KNL1: variants seen among roughly 807,000 people sequenced by gnomAD.
KNL1 encodes the protein outer kinetochore KNL1 complex subunit KNL1.
A neutral mutation model predicts 201.3 loss-of-function variants in KNL1; 66 were observed. The observed-to-expected ratio is 0.33, with a 90% CI of 0.27 to 0.40. KNL1 has a LOEUF of 0.40. Among genes scored for constraint, KNL1 ranks in the 10% least tolerant of loss-of-function variants. KNL1 has a pLI of 1.00. For missense variants in KNL1, 2,815 were observed against 2,690.5 expected (o/e 1.05, Z -1.02); for synonymous variants, 895 against 899.2 (o/e 1.00, Z 0.08).
In KNL1 at chr15:40,621,173, A is replaced by G; in HGVS notation, c.909A>G (p.Ser303=). ...TTCCCACATCCAGTGAGACCAACTC[A>G]CGGGAATCTAAAGGTAATGATATTA... The part of the protein sequence containing the change: ...TLIPTSSETN[S]RESKGNDITI... Residue 303 remains serine, a synonymous_variant, in exon 10 of 26, where the codon TCA becomes TCG. Transcript: ENST00000399668. 1.9e-6 allele frequency: 3 copies of G among 1,613,224 alleles called. No individual in the cohort carries two copies. The highest frequency in any genetic ancestry group is 2.5e-6 in the Non-Finnish European group (3 of 1,179,482).
Position 40,657,427 on chromosome 15 carries a change from T to C in KNL1, c.6667T>C (p.Trp2223Arg). The change falls in exon 24 of 26, where the codon TGG (tryptophan) becomes CGG (arginine). Residue 2223 changes from tryptophan (W) to arginine (R), a missense_variant. Physicochemically the swap from Trp to Arg is moderately radical, Grantham distance 101. Around this residue, in one of 3 missense-constraint regions of KNL1, gnomAD observed 334 missense variants for 362.6 expected, o/e 0.92. Transcript: ENST00000399668. The part of the protein sequence containing the change: ...LGEEIEYLKR[W>R]GPNYNLMNID... Reference sequence around the variant, plus strand: ...AGAGGAGATTGAGTATTTAAAGAGATGGGGACCAAATTATAACCTAATGAA... The same window carrying C: ...AGAGGAGATTGAGTATTTAAAGAGACGGGGACCAAATTATAACCTAATGAA... The C allele has an allele frequency of 1.3e-6, 2 of 1,595,972 alleles. No homozygotes were observed. Among genetic ancestry groups the C allele is most frequent in the Non-Finnish European group, 1.7e-6 (2 of 1,163,514 alleles).
intron 8 of KNL1, among the ~76,000 whole-genome samples, chr15:40,618,201 C>T (rs1892406249): frequency 6.6e-6 from 1 of 151,786 alleles, no homozygotes; most frequent in Non-Finnish European, 1.5e-5. Flanking sequence ...TGAGTCTAAT[C>T]CTTTATTTCC....
Position 40,608,921 on chromosome 15 carries a change from C to G in KNL1, c.197+13C>G, listed in dbSNP as rs375185368. 2 of 1,580,948 alleles carry G rather than the reference C, an allele frequency of 1.3e-6. No individual in the cohort carries two copies. Among genetic ancestry groups the G allele is most frequent in the African/African-American group, 1.3e-5 (1 of 74,102 alleles). On this transcript the variant is annotated intron_variant, in intron 5 of 25. Coordinates refer to ENST00000399668, the MANE Select transcript of KNL1 (RefSeq NM_144508.5). ...CAGATACTATAAAGTAAGTTGAAAG[C>G]AGAAATAACTAAAATATTATAGGTA...
At chr15:40,602,817 G>A (rs1891851501) in intron 1 of KNL1, 98 bp from the exon 2 acceptor site, 2 of 656,760 alleles carry the variant, frequency 3.0e-6, no homozygotes, top group African/African-American at 3.7e-5. Flanking sequence ...CCCTCAGAAA[G>A]TAACCCTGAA....
chr15:40,618,033 A>T (rs868407622), intron 8 of KNL1, among the ~76,000 whole-genome samples: 12 of 136,020 alleles, frequency 8.8e-5, no homozygotes, highest in Admixed American at 4.8e-4. Context: ...TTATTTCATT[A>T]TATGTACTCA....
At chr15:40,633,417 G>A (rs1892971466) in intron 13 of KNL1, among the ~76,000 whole-genome samples, 1 of 151,884 alleles carries the variant, frequency 6.6e-6, no homozygotes, top group African/African-American at 2.4e-5. Flanking sequence ...TGATGCTAAT[G>A]TAAACAAACC....
chr15:40,628,249 T>C (rs1174968038), intron 11 of KNL1, 41 bp downstream of exon 11: 4 of 1,538,238 alleles, frequency 2.6e-6, no homozygotes, highest in Admixed American at 2.3e-5. Flanking sequence ...AGCCATCTGC[T>C]TACTTAACTA....
chr15:40,632,213 C>G (rs541576107), intron 13 of KNL1, among the ~76,000 whole-genome samples: 1 of 134,362 alleles, frequency 7.4e-6, no homozygotes, highest in Non-Finnish European at 1.6e-5. Flanking sequence ...TAGCGAGACC[C>G]CCCCCCACCC....
intron 8 of KNL1, 117 bp downstream of exon 8, chr15:40,615,495 C>T (rs1892309660): frequency 6.1e-6 from 1 of 162,690 alleles, no homozygotes; most frequent in Admixed American, 3.4e-4. Context: ...AGAGGCCAGG[C>T]ACGGTGCTCA....
At chr15:40,643,978 T>G (rs923267188) in intron 14 of KNL1, among the ~76,000 whole-genome samples, 1 of 152,178 alleles carries the variant, frequency 6.6e-6, no homozygotes, top group South Asian at 2.1e-4. Context: ...CCCTCCACAC[T>G]TGTGGGTATT....
chr15:40,620,604 T>G, intron 9 of KNL1, 36 bp from the exon 10 acceptor site: 1 of 1,400,206 alleles, frequency 7.1e-7, no homozygotes, highest in Non-Finnish European at 9.6e-7. Context: ...AAAGTTTGCT[T>G]TTGTTCTGAT....
chr15:40,652,151 C>T (rs750349172), intron 21 of KNL1, 46 bp downstream of exon 21: 1 of 1,198,052 alleles, frequency 8.3e-7, no homozygotes, highest in Non-Finnish European at 1.2e-6. Context: ...AAATGAATGG[C>T]TACACTCACT....
At chr15:40,649,453 C>G (rs996101267) in intron 17 of KNL1, among the ~76,000 whole-genome samples, 3 of 151,758 alleles carry the variant, frequency 2.0e-5, no homozygotes, top group African/African-American at 7.3e-5. Context: ...GCACCACCAC[C>G]CCCAGCTAAT....
In KNL1 at chr15:40,623,074, G is replaced by C. The variant is rs776613603; in HGVS notation, c.2810G>C (p.Arg937Thr). The C allele has an allele frequency of 1.9e-6, 3 of 1,613,746 alleles. No individual in the cohort carries two copies. The highest frequency in any genetic ancestry group is 2.5e-6 in the Non-Finnish European group (3 of 1,179,896). ...KTVSPDEITT[R>T]PMDKTVVFVD... is the part of the protein sequence containing the mutation. ...GTCTCACCAGATGAAATAACTACTA[G>C]GCCTATGGACAAAACTGTAGTGTTT... Residue 937 changes from arginine to threonine, a missense_variant, in exon 10 of 26, where the codon AGG (arginine) becomes ACG (threonine). Coordinates refer to ENST00000399668, the MANE Select transcript of KNL1 (RefSeq NM_144508.5).
chr15:40,631,346 G>A (rs986033855), intron 13 of KNL1, among the ~76,000 whole-genome samples: 10 of 151,344 alleles, frequency 6.6e-5, no homozygotes, highest in Admixed American at 1.3e-4. Context: ...CAAAGAAGTC[G>A]AAAATATTTC....
chr15:40,614,255 G>A (rs1595919848), intron 7 of KNL1, among the ~76,000 whole-genome samples: 5 of 151,958 alleles, frequency 3.3e-5, no homozygotes, highest in East Asian at 1.9e-4. Flanking sequence ...ACACCACCAC[G>A]CCCAGCCAAT....
At chr15:40,642,354 G>A (rs1163703180) in intron 14 of KNL1, among the ~76,000 whole-genome samples, 1 of 150,822 alleles carries the variant, frequency 6.6e-6, no homozygotes, top group African/African-American at 2.4e-5. Context: ...AGCTGAGATC[G>A]CACCACTGCA....
chr15:40,644,965 C>G, intron 14 of KNL1, 32 bp from the exon 15 acceptor site: 1 of 1,407,320 alleles, frequency 7.1e-7, no homozygotes, highest in African/African-American at 1.4e-5. Flanking sequence ...TTTCTTTTCC[C>G]TACAGTGCTA....
In KNL1 at chr15:40,623,249, G is replaced by C; in HGVS notation, c.2985G>C (p.Glu995Asp). Residue 995 changes from glutamate to aspartate, a missense_variant, in exon 10 of 26, where the codon GAG becomes GAC. Glu to Asp is a conservative substitution (Grantham distance 45). Coordinates refer to ENST00000399668, the MANE Select transcript of KNL1 (RefSeq NM_144508.5). ...TPTVICTPTE[E>D]SVFFPGNGES... ...CAGTGATATGTACTCCTACTGAGGA[G>C]AGTGTTTTCTTTCCAGGAAATGGTG... The C allele has an allele frequency of 6.2e-7, 1 of 1,613,924 alleles. No individual in the cohort carries two copies. Among genetic ancestry groups the C allele is most frequent in the Non-Finnish European group, 8.5e-7 (1 of 1,179,876 alleles).
Sources: allele counts gnomAD v4.1 joint callset (sites outside exome capture counted in the v4.1 genomes callset), GRCh38; gene constraint gnomAD v4.1.1; regional missense constraint gnomAD v4.1.1; transcripts MANE v1.5; gene names NCBI Gene and HGNC (gene_info 2026-07-23, HGNC 2026-07-21).